Variants in CFAP20DC observed in about 807,000 individuals in gnomAD.
CFAP20DC encodes the protein protein CFAP20DC.
CFAP20DC carries 84 observed loss-of-function variants against 101.7 expected under a neutral mutation model. The observed-to-expected ratio is 0.83, with a 90% CI of 0.69 to 0.99. CFAP20DC has a LOEUF of 0.99. Ranked by LOEUF, CFAP20DC falls within the 50% of genes least tolerant of loss-of-function variation. The pLI, the probability that CFAP20DC is intolerant of heterozygous loss-of-function variation, is 0.00. For synonymous variants in CFAP20DC, 359 were observed against 351.2 expected (o/e 1.02, Z -0.25); for missense variants, 1,007 against 970.3 (o/e 1.04, Z -0.50).
intron 14 of CFAP20DC, chr3:58,824,617 A>T (rs2075915623): frequency 6.6e-6 from 1 of 152,130 alleles, no homozygotes; most frequent in African/African-American, 2.4e-5. Context: ...AACCTATGAA[A>T]ATGGCGATAA....
chr3:58,958,368 A>G (rs1244694448), intron 4 of CFAP20DC, among the ~76,000 whole-genome samples: 1 of 152,300 alleles, frequency 6.6e-6, no homozygotes, highest in Non-Finnish European at 1.5e-5. Context: ...GTAACTTTTT[A>G]TTACAGAATA....
chr3:58,937,596 A>G (rs2087888470), intron 5 of CFAP20DC, 52 bp downstream of exon 5: 4 of 1,091,346 alleles, frequency 3.7e-6, no homozygotes, highest in Middle Eastern at 2.1e-4. Context: ...CCCATAAGTA[A>G]TATTTGTTGA....
intron 5 of CFAP20DC, among the ~76,000 whole-genome samples, chr3:58,929,739 G>A (rs1025509762): frequency 6.6e-6 from 1 of 152,092 alleles, no homozygotes; most frequent in Non-Finnish European, 1.5e-5. Context: ...AAGCCCAGTG[G>A]ATCTGCCTAC....
At chr3:58,891,251 C>A (rs868075303) in intron 6 of CFAP20DC, among the ~76,000 whole-genome samples, 2 of 151,982 alleles carry the variant, frequency 1.3e-5, no homozygotes, top group Admixed American at 1.3e-4. Flanking sequence ...AGCGAAACCC[C>A]GTCTCCACCA....
intron 5 of CFAP20DC, among the ~76,000 whole-genome samples, chr3:58,930,900 G>A (rs940057923): frequency 3.3e-5 from 5 of 152,142 alleles, no homozygotes; most frequent in Admixed American, 1.3e-4. Context: ...TCTCACTAGG[G>A]AGTGTCAGAC....
chr3:58,980,834 T>C (rs1483866129), intron 4 of CFAP20DC, among the ~76,000 whole-genome samples: 5 of 152,282 alleles, frequency 3.3e-5, no homozygotes, highest in South Asian at 2.1e-4. Context: ...CTATTCAACA[T>C]AGTGTTGGAA....
chr3:58,971,231 C>T lies in CFAP20DC; in HGVS notation c.279-33469G>A, dbSNP rs1295473054. Among the ~76,000 whole-genome samples the T allele has an allele frequency of 2.0e-5, 3 of 152,106 alleles. No homozygotes were observed. Among genetic ancestry groups the T allele is most frequent in the African/African-American group, 4.8e-5 (2 of 41,428 alleles). On this transcript the variant is annotated intron_variant, in intron 4 of 16. Coordinates refer to ENST00000482387, the MANE Select transcript of CFAP20DC (RefSeq NM_001394063.1). The surrounding 1 kb of genome is among the most constrained non-coding windows in gnomAD (Gnocchi z 4.1). ...AAGAAGATATTTGGCACTGAAAGTA[C>T]GTTTTTCACAAATCACAAATCAGTT... is the stretch of plus-strand genomic sequence containing the variant.
chr3:58,925,822 G>A (rs1250887818), intron 5 of CFAP20DC, among the ~76,000 whole-genome samples: 1 of 152,220 alleles, frequency 6.6e-6, no homozygotes, highest in African/African-American at 2.4e-5. Flanking sequence ...TGAACCCATA[G>A]AATCTAGCTC....
rs920939411 is a variant in CFAP20DC, at chr3:58,849,382, C to T, written c.1621G>A (p.Gly541Ser). The T allele has an allele frequency of 3.3e-6, 5 of 1,534,920 alleles. No individual in the cohort carries two copies. The South Asian group carries it at 4.8e-5, about 15-fold the overall frequency. The change falls in exon 13 of 17, where the codon GGC becomes AGC. Residue 541 changes from glycine to serine, a missense_variant. By Grantham distance (56) the Gly-to-Ser change is moderately conservative. Transcript: ENST00000482387. ...AACTCTGAAGGACCAGTTGTTGGGC[C>T]TCGAGAACCCTGGATACTGTGGTTA... is the stretch of plus-strand genomic sequence containing the variant. ...EGNHSIQGSR[G>S]PTTGPSELTQ...
intron 4 of CFAP20DC, among the ~76,000 whole-genome samples, chr3:59,027,544 C>T (rs775693942): frequency 6.6e-6 from 1 of 152,046 alleles, no homozygotes; most frequent in South Asian, 2.1e-4. Context: ...CACAACAGTA[C>T]AAAATGTCTA....
intron 3 of CFAP20DC, chr3:58,726,528 TC>T (rs1444720611): frequency 6.2e-6 from 1 of 160,866 alleles, no homozygotes; most frequent in Non-Finnish European, 1.4e-5. Context: ...TCCCTTCCAC[TC>T]ACACCATCAG....
In CFAP20DC at chr3:58,920,072, C is replaced by CTTTT. The variant is rs71091396; in HGVS notation, c.394-6212_394-6209dup. Among the ~76,000 whole-genome samples, 60 of 46,812 alleles carry CTTTT rather than the reference C, an allele frequency of 1.3e-3. 2 individuals carry two copies. The highest frequency in any genetic ancestry group is 4.5e-3 in the African/African-American group (53 of 11,774). The allele number at this position is 46,812 out of a possible 152,430, so 30.7% of individuals were successfully genotyped here. ...AATACAAGTGGTTAGGGTGGATATT[C>CTTTT]TTTTTTTTTTTTTTTTTTTTTTTTT... is the stretch of plus-strand genomic sequence containing the variant. On this transcript the variant is annotated intron_variant, in intron 5 of 16. Coordinates refer to ENST00000482387, the MANE Select transcript of CFAP20DC (RefSeq NM_001394063.1).
At chr3:58,782,167 G>T (rs1196348018) in intron 15 of CFAP20DC, among the ~76,000 whole-genome samples, 1 of 151,464 alleles carries the variant, frequency 6.6e-6, no homozygotes, top group African/African-American at 2.4e-5. Context: ...ATGAAGAAAT[G>T]ATCTATGAAG....
At position 58,720,300 on chromosome 3, in the gene CFAP20DC, T is replaced by C. The variant is rs76234947; in HGVS notation, c.198-2672A>G. On this transcript the variant is annotated intron_variant, in intron 3 of 3. Coordinates refer to the CFAP20DC transcript ENST00000486145. ...TGAATGTAGAAATGAATAAAGTTGT[T>C]TAAGTTCTCTGAGCCTCAGTTTCCT... Among the ~76,000 whole-genome samples, 1,481 of 152,360 alleles carry C rather than the reference T, an allele frequency of 9.7e-3. 17 individuals carry two copies. The highest frequency in any genetic ancestry group is 0.033 in the African/African-American group (1,377 of 41,588).
Position 59,014,053 on chromosome 3 carries a change from T to C in CFAP20DC, c.278+25504A>G, listed in dbSNP as rs545734271. On this transcript the variant is annotated intron_variant, in intron 4 of 16. Coordinates refer to ENST00000482387, the MANE Select transcript of CFAP20DC (RefSeq NM_001394063.1). This position sits in a 1 kb window ranked among gnomAD's most constrained non-coding sequence, Gnocchi z 4.9. Reference sequence around the variant, plus strand: ...AGCTTGCTTTTCTACTGAAATTGCATAAAACAGATAGGACAGCTAATTTAA... The same window carrying C: ...AGCTTGCTTTTCTACTGAAATTGCACAAAACAGATAGGACAGCTAATTTAA... Among the ~76,000 whole-genome samples the C allele has an allele frequency of 4.6e-5, 7 of 152,314 alleles. No homozygotes were observed. In the South Asian group the frequency reaches 1.0e-3, roughly 23 times the overall value.
chr3:58,737,674 C>T (rs1489754710), downstream of CFAP20DC, among the ~76,000 whole-genome samples: 1 of 152,164 alleles, frequency 6.6e-6, no homozygotes, highest in African/African-American at 2.4e-5. The surrounding 1 kb of genome is among the most constrained non-coding windows in gnomAD (Gnocchi z 4.1). Flanking sequence ...TCCCCACTCC[C>T]ACTGCATTTA....
chr3:58,872,508 G>A (rs763239748), intron 7 of CFAP20DC, among the ~76,000 whole-genome samples: 99 of 152,294 alleles, frequency 6.5e-4, no homozygotes, highest in Middle Eastern at 3.4e-3. Flanking sequence ...GTTTGTAATA[G>A]ATAAATCTGA....
chr3:59,041,724 C>A (rs1269524944), intron 3 of CFAP20DC, among the ~76,000 whole-genome samples: 1 of 151,820 alleles, frequency 6.6e-6, no homozygotes, highest in Non-Finnish European at 1.5e-5. Flanking sequence ...TTTTTTTCTC[C>A]CACTTCAACA....
chr3:59,041,153 T>G (rs140434687), intron 3 of CFAP20DC, among the ~76,000 whole-genome samples: 1 of 152,238 alleles, frequency 6.6e-6, no homozygotes, highest in East Asian at 1.9e-4. Flanking sequence ...TAAATAGAGC[T>G]GAGAGAACAG....
Sources: allele counts gnomAD v4.1 joint callset (sites outside exome capture counted in the v4.1 genomes callset), GRCh38; gene constraint gnomAD v4.1.1; non-coding constraint Gnocchi (gnomAD v3.1); transcripts MANE v1.5; gene names NCBI Gene and HGNC (gene_info 2026-07-23, HGNC 2026-07-21).